The following PPFIA2 variants were observed in gnomAD, a reference collection of about 807,000 sequenced individuals.
PPFIA2 encodes the protein PPFI scaffold protein A2.
PPFIA2 carries 46 observed loss-of-function variants against 175.5 expected under a neutral mutation model. That is an observed-to-expected ratio of 0.26 (90% CI 0.21 to 0.34). The LOEUF (loss-of-function observed/expected upper bound fraction) is 0.34. Ranked by LOEUF, PPFIA2 falls within the 10% of genes least tolerant of loss-of-function variation. The pLI, the probability that PPFIA2 is intolerant of heterozygous loss-of-function variation, is 1.00. For synonymous variants in PPFIA2, 568 were observed against 511.4 expected (o/e 1.11, Z -1.49); for missense variants, 1,179 against 1,506.1 (o/e 0.78, Z 3.60).
chr12:81,643,586 T>A (rs778326594), intron 4 of PPFIA2, among the ~76,000 whole-genome samples: 2 of 151,958 alleles, frequency 1.3e-5, no homozygotes, highest in Non-Finnish European at 1.5e-5. Flanking sequence ...GTTATGGATC[T>A]TGGGAAAAAA....
At chr12:81,304,435 A>G (rs1377636323) in intron 22 of PPFIA2, among the ~76,000 whole-genome samples, 3 of 152,216 alleles carry the variant, frequency 2.0e-5, no homozygotes, top group Non-Finnish European at 4.4e-5. Context: ...AAACACATAT[A>G]CACATACATA....
intron 4 of PPFIA2, among the ~76,000 whole-genome samples, chr12:81,490,170 A>G (rs547457471): frequency 1.8e-4 from 27 of 152,048 alleles, no homozygotes; most frequent in Admixed American, 1.1e-3. Flanking sequence ...ATGTTTGTGA[A>G]TCCAAAGATA....
At chr12:81,490,122 C>T (rs560724354) in intron 4 of PPFIA2, among the ~76,000 whole-genome samples, 1 of 151,752 alleles carries the variant, frequency 6.6e-6, no homozygotes, top group African/African-American at 2.4e-5. Context: ...TTGAATTAAG[C>T]GAATTAAGTT....
At chr12:81,455,605 C>A (rs2053437481) in intron 5 of PPFIA2, among the ~76,000 whole-genome samples, 1 of 152,128 alleles carries the variant, frequency 6.6e-6, no homozygotes, top group African/African-American at 2.4e-5. Flanking sequence ...AACACAATAG[C>A]CTCGGGTATT....
At chr12:81,715,858 G>T (rs1198477459) in intron 3 of PPFIA2, among the ~76,000 whole-genome samples, 1 of 151,302 alleles carries the variant, frequency 6.6e-6, no homozygotes, top group Non-Finnish European at 1.5e-5. Flanking sequence ...ATCAAATTTG[G>T]ACTATTATTG....
intron 4 of PPFIA2, among the ~76,000 whole-genome samples, chr12:81,642,683 C>CATACGTGTATGTATA (rs1567686433): frequency 8.3e-5 from 3 of 35,976 alleles, no homozygotes; most frequent in Non-Finnish European, 1.1e-4. Flanking sequence ...ATGTATGTAT[C>CATACGTGTATGTATA]TATTATATAC....
chr12:81,710,383 A>G (rs1159183761), intron 3 of PPFIA2, among the ~76,000 whole-genome samples: 1 of 152,016 alleles, frequency 6.6e-6, no homozygotes, highest in Non-Finnish European at 1.5e-5. Flanking sequence ...TTGTATTTAT[A>G]AAATATTTTA....
At chr12:81,662,483 C>CT (rs1398436248) in intron 4 of PPFIA2, among the ~76,000 whole-genome samples, 1 of 152,144 alleles carries the variant, frequency 6.6e-6, no homozygotes, top group Non-Finnish European at 1.5e-5. Flanking sequence ...CACATACACC[C>CT]TCCCAAGACT....
At chr12:81,378,757 C>T (rs2036963233) in intron 9 of PPFIA2, among the ~76,000 whole-genome samples, 1 of 152,198 alleles carries the variant, frequency 6.6e-6, no homozygotes, top group Non-Finnish European at 1.5e-5. Context: ...GATATACACA[C>T]ATTTCTCAAG....
chr12:81,288,106 T>C (rs908556325), intron 24 of PPFIA2, among the ~76,000 whole-genome samples: 12 of 151,878 alleles, frequency 7.9e-5, no homozygotes, highest in Non-Finnish European at 1.2e-4. Flanking sequence ...AGTTATACAG[T>C]AGCACTTACT....
At position 81,347,667 on chromosome 12, in the gene PPFIA2, G is replaced by C. The variant is rs922251183; in HGVS notation, c.2098C>G (p.Pro700Ala). 1.2e-6 allele frequency: 2 copies of C among 1,613,692 alleles called. No homozygotes were observed. Among genetic ancestry groups the C allele is most frequent in the African/African-American group, 2.7e-5 (2 of 74,880 alleles). ...LEGLNLARVH[P>A]GTSITASVTA... is the part of the protein sequence containing the mutation. ...ACAGAGGCAGTAATGGAGGTACCTG[G>C]GTGGACCCTTGCCAAATTCAGGCCT... The change falls in exon 18 of 33, where the codon CCA (proline) becomes GCA (alanine). Residue 700 changes from proline to alanine, a missense_variant. Coordinates refer to ENST00000549396, the MANE Select transcript of PPFIA2 (RefSeq NM_003625.5).
chr12:81,492,151 T>C (rs1003070527), intron 4 of PPFIA2, among the ~76,000 whole-genome samples: 1 of 151,956 alleles, frequency 6.6e-6, no homozygotes, highest in African/African-American at 2.4e-5. Flanking sequence ...AAAAGCATAA[T>C]GTAAGTACTA....
intron 4 of PPFIA2, among the ~76,000 whole-genome samples, chr12:81,591,005 A>G (rs1434705745): frequency 6.6e-6 from 1 of 152,174 alleles, no homozygotes; most frequent in Non-Finnish European, 1.5e-5. Context: ...GAAGACAGGA[A>G]AATGTGGGAC....
chr12:81,678,658 G>A (rs112522994), intron 3 of PPFIA2, among the ~76,000 whole-genome samples: 6 of 151,734 alleles, frequency 4.0e-5, no homozygotes, highest in Admixed American at 2.0e-4. Context: ...CTACAAAAGA[G>A]GCTAACAAAA....
At chr12:81,714,403 G>A (rs2153620058) in intron 3 of PPFIA2, among the ~76,000 whole-genome samples, 1 of 151,094 alleles carries the variant, frequency 6.6e-6, no homozygotes, top group East Asian at 2.0e-4. Flanking sequence ...CAATTTCTTA[G>A]AAGGTGAATG....
chr12:81,321,053 A>G (rs962368175), intron 22 of PPFIA2, among the ~76,000 whole-genome samples: 4 of 90,502 alleles, frequency 4.4e-5, no homozygotes, highest in Non-Finnish European at 6.4e-5. Flanking sequence ...AAATAAATAA[A>G]ACAGAGAGAG....
chr12:81,557,856 T>C (rs777682315), intron 4 of PPFIA2, among the ~76,000 whole-genome samples: 7 of 152,078 alleles, frequency 4.6e-5, no homozygotes, highest in Non-Finnish European at 1.0e-4. Context: ...TTAGTGCTTA[T>C]GCTAAAATAT....
intron 7 of PPFIA2, among the ~76,000 whole-genome samples, chr12:81,420,627 A>T (rs1024489972): frequency 4.6e-5 from 7 of 152,048 alleles, no homozygotes; most frequent in Non-Finnish European, 1.0e-4. Flanking sequence ...CAGTCATAGG[A>T]GAGAAAAATG....
At chr12:81,660,331 C>T (rs1043572222) in intron 4 of PPFIA2, among the ~76,000 whole-genome samples, 5 of 152,084 alleles carry the variant, frequency 3.3e-5, no homozygotes, top group Non-Finnish European at 5.9e-5. Context: ...ACTAGAATAA[C>T]CAATGCAGAG....
Sources: allele counts gnomAD v4.1 joint callset (sites outside exome capture counted in the v4.1 genomes callset), GRCh38; gene constraint gnomAD v4.1.1; transcripts MANE v1.5; gene names NCBI Gene and HGNC (gene_info 2026-07-23, HGNC 2026-07-21).